The following EYA4 variants were observed in gnomAD, a reference collection of about 807,000 sequenced individuals.
EYA4 encodes EYA transcriptional coactivator and phosphatase 4, also known as protein phosphatase EYA4.
Under a neutral mutation model 87.9 loss-of-function variants are expected in EYA4, and 31 were observed. The observed-to-expected ratio is 0.35, with a 90% CI of 0.27 to 0.48. The LOEUF (loss-of-function observed/expected upper bound fraction) is 0.48. Ranked by LOEUF, EYA4 falls within the 20% of genes least tolerant of loss-of-function variation. The pLI, the probability that EYA4 is intolerant of heterozygous loss-of-function variation, is 0.99. For synonymous variants in EYA4, 263 were observed against 270.6 expected, an observed-to-expected ratio of 0.97 and a Z score of 0.28; for missense variants, 678 against 761.4, an observed-to-expected ratio of 0.89 and a Z score of 1.29.
chr6:133,315,498 G>A (rs970587720), intron 2 of EYA4, among the ~76,000 whole-genome samples: 1 of 152,118 alleles, frequency 6.6e-6, no homozygotes, highest in African/African-American at 2.4e-5. Context: ...ATGTGAGGTT[G>A]GGTTGTCAGA....
At chr6:133,403,665 AATAAT>A (rs1788450996) in intron 3 of EYA4, among the ~76,000 whole-genome samples, 1 of 152,238 alleles carries the variant, frequency 6.6e-6, no homozygotes, top group Non-Finnish European at 1.5e-5. Flanking sequence ...ATGTGCCTAA[AATAAT>A]CCACTCAAAT....
chr6:133,458,421 T>C (rs1794092564), intron 6 of EYA4, among the ~76,000 whole-genome samples: 1 of 152,136 alleles, frequency 6.6e-6, no homozygotes, highest in Non-Finnish European at 1.5e-5. Flanking sequence ...AACAGCTGCA[T>C]GTGGTTAGCA....
chr6:133,478,529 C>A (rs59011527), intron 11 of EYA4, among the ~76,000 whole-genome samples: 1 of 152,236 alleles, frequency 6.6e-6, no homozygotes, highest in African/African-American at 2.4e-5. Context: ...GATTATCTCA[C>A]AGCAGTGAAT....
intron 3 of EYA4, among the ~76,000 whole-genome samples, chr6:133,408,487 G>A (rs77163159): frequency 0.022 from 3,379 of 151,710 alleles, 124 homozygotes; most frequent in African/African-American, 0.078. Flanking sequence ...GTTCAGTTTT[G>A]GAAAAAAAAA....
At chr6:133,519,108 C>T (rs1367748866) in intron 17 of EYA4, among the ~76,000 whole-genome samples, 10 of 151,366 alleles carry the variant, frequency 6.6e-5, no homozygotes, top group Non-Finnish European at 1.3e-4. Flanking sequence ...AGAGCAAACA[C>T]ATTCAAAAGC....
chr6:133,376,913 CAT>C (rs1436086830), intron 2 of EYA4, among the ~76,000 whole-genome samples: 7 of 151,848 alleles, frequency 4.6e-5, no homozygotes, highest in Non-Finnish European at 8.8e-5. Flanking sequence ...ATAAGAGATG[CAT>C]AGTGTTGTGT....
At chr6:133,432,099 C>G (rs1002674973) in intron 3 of EYA4, among the ~76,000 whole-genome samples, 2 of 151,884 alleles carry the variant, frequency 1.3e-5, no homozygotes, top group African/African-American at 4.8e-5. Context: ...AGTGGTGCCT[C>G]CCACCTGGGA....
intron 14 of EYA4, among the ~76,000 whole-genome samples, chr6:133,506,744 G>C (rs150969038): frequency 4.8e-4 from 73 of 152,006 alleles, no homozygotes; most frequent in Middle Eastern, 6.8e-3. Context: ...ACCTCAAATG[G>C]CAAGACAGTG....
chr6:133,335,517 G>C (rs538010213), intron 2 of EYA4, among the ~76,000 whole-genome samples: 1 of 152,276 alleles, frequency 6.6e-6, no homozygotes, highest in South Asian at 2.1e-4. Context: ...TTAAAAGAGG[G>C]ATAAAGCAAA....
At chr6:133,263,689 G>A (rs1775980044) in intron 1 of EYA4, among the ~76,000 whole-genome samples, 1 of 152,186 alleles carries the variant, frequency 6.6e-6, no homozygotes, top group Non-Finnish European at 1.5e-5. Context: ...CCTTAATATT[G>A]TACAAGATAC....
At chr6:133,250,795 G>A (rs1774833612) in intron 1 of EYA4, among the ~76,000 whole-genome samples, 1 of 152,106 alleles carries the variant, frequency 6.6e-6, no homozygotes, top group South Asian at 2.1e-4. Context: ...ATGCCTCATG[G>A]GGTTCTGATG....
At chr6:133,294,023 T>TTATATATA (rs71771244) in intron 2 of EYA4, among the ~76,000 whole-genome samples, 1,065 of 78,476 alleles carry the variant, frequency 0.014, 22 homozygotes, top group South Asian at 0.019. Flanking sequence ...TAGGGTGATT[T>TTATATATA]TATATATATA....
intron 5 of EYA4, among the ~76,000 whole-genome samples, chr6:133,451,150 C>T (rs1435877054): frequency 1.3e-5 from 2 of 152,120 alleles, no homozygotes; most frequent in Admixed American, 6.5e-5. Flanking sequence ...ATATACAATA[C>T]CTACACAAAT....
chr6:133,427,203 A>T (rs1211921523), intron 3 of EYA4, among the ~76,000 whole-genome samples: 1 of 152,228 alleles, frequency 6.6e-6, no homozygotes, highest in Admixed American at 6.5e-5. Context: ...TCTGAATTTT[A>T]AAGTATGTGA....
At chr6:133,368,998 T>G (rs2128460354) in intron 2 of EYA4, among the ~76,000 whole-genome samples, 1 of 152,280 alleles carries the variant, frequency 6.6e-6, no homozygotes, top group Non-Finnish European at 1.5e-5. Flanking sequence ...ACTGTATCAT[T>G]TAGAGCCAAA....
At chr6:133,293,311 C>T (rs760990379) in intron 2 of EYA4, among the ~76,000 whole-genome samples, 1 of 151,964 alleles carries the variant, frequency 6.6e-6, no homozygotes, top group African/African-American at 2.4e-5. Context: ...TTTTCTATTA[C>T]AGTTGACACA....
At chr6:133,497,193 T>C (rs1797717563) in intron 13 of EYA4, among the ~76,000 whole-genome samples, 1 of 152,134 alleles carries the variant, frequency 6.6e-6, no homozygotes, top group East Asian at 1.9e-4. Flanking sequence ...CCGTATCTCT[T>C]TGGCAGGTTC....
rs181698189 is a variant in EYA4 at position 133,334,216 on chromosome 6, A to G, written c.34-48176A>G. Among the ~76,000 whole-genome samples, 543 of 152,376 alleles carry G rather than the reference A, an allele frequency of 3.6e-3. 2 individuals carry two copies. Among genetic ancestry groups the G allele is most frequent in the Non-Finnish European group, 6.1e-3 (416 of 68,038 alleles). The stretch of plus-strand genomic sequence containing the variant: ...CGAATTAGCAGATGCATATGCTAAA[A>G]GAAAAACATCTTTTTTAAAAAATCC... On this transcript the variant is annotated intron_variant, in intron 2 of 19. Transcript: ENST00000355286.
At chr6:133,333,216 T>G (rs943580234) in intron 2 of EYA4, among the ~76,000 whole-genome samples, 1 of 152,218 alleles carries the variant, frequency 6.6e-6, no homozygotes, top group African/African-American at 2.4e-5. Context: ...TGCTGAAACC[T>G]TGGCACCATG....
Sources: gnomAD v4.1 joint callset for allele counts (sites outside exome capture counted in the v4.1 genomes callset) on GRCh38, gnomAD v4.1.1 for gene constraint, MANE v1.5 for transcripts, NCBI Gene and HGNC (gene_info 2026-07-23, HGNC 2026-07-21) for gene names.